SPAG16: variants seen among roughly 807,000 people sequenced by gnomAD.
SPAG16 encodes the protein sperm associated antigen 16, also known as sperm-associated antigen 16 protein.
Under a neutral mutation model 80.4 loss-of-function variants are expected in SPAG16, and 86 were observed. The ratio of observed to expected loss-of-function variants is 1.07; its 90% CI spans 0.90 to 1.28. The LOEUF (loss-of-function observed/expected upper bound fraction) is 1.28, where lower values mean the gene tolerates loss of function less well. Among genes scored for constraint, SPAG16 ranks in the 50% most tolerant of loss-of-function variants. The pLI is 0.00. For synonymous variants in SPAG16, 294 were observed against 265.9 expected (o/e 1.11, Z -1.03); for missense variants, 870 against 765.3 (o/e 1.14, Z -1.61).
chr2:214,134,330 A>T (rs1576312746), intron 14 of SPAG16, among the ~76,000 whole-genome samples: 2 of 152,240 alleles, frequency 1.3e-5, no homozygotes, highest in Non-Finnish European at 2.9e-5. Flanking sequence ...CCACAAATCC[A>T]TTAGGTCTTA....
At chr2:213,539,980 GAAAT>G (rs2076377489) in intron 10 of SPAG16, among the ~76,000 whole-genome samples, 1 of 150,348 alleles carries the variant, frequency 6.7e-6, no homozygotes, top group African/African-American at 2.4e-5. Context: ...TAAAGGAAGT[GAAAT>G]AAATCGAGTT....
intron 15 of SPAG16, among the ~76,000 whole-genome samples, chr2:214,207,114 T>C (rs2058166882): frequency 6.6e-6 from 1 of 152,142 alleles, no homozygotes; most frequent in Admixed American, 6.6e-5. Flanking sequence ...TTGGACCTAT[T>C]GTGTAGTGTG....
chr2:213,496,868 T>A (rs1033373039), intron 10 of SPAG16, among the ~76,000 whole-genome samples: 40 of 151,642 alleles, frequency 2.6e-4, no homozygotes, highest in African/African-American at 9.6e-4. Flanking sequence ...ATTTTTCCAA[T>A]GGATATTTAG....
At chr2:213,437,110 A>G (rs1170469540) in intron 9 of SPAG16, among the ~76,000 whole-genome samples, 1 of 152,018 alleles carries the variant, frequency 6.6e-6, no homozygotes, top group Non-Finnish European at 1.5e-5. Context: ...ACAGGGTTTC[A>G]CCGTGGTCTC....
At chr2:213,799,578 C>T (rs2071253547) in intron 10 of SPAG16, among the ~76,000 whole-genome samples, 1 of 151,982 alleles carries the variant, frequency 6.6e-6, no homozygotes, top group African/African-American at 2.4e-5. Flanking sequence ...TTTATTTTAA[C>T]AAATTTTTGC....
chr2:213,720,635 C>A (rs1444026209), intron 10 of SPAG16, among the ~76,000 whole-genome samples: 1 of 150,746 alleles, frequency 6.6e-6, no homozygotes, highest in African/African-American at 2.4e-5. Context: ...AAGACTCCAT[C>A]TAAAAACTTA....
intron 10 of SPAG16, among the ~76,000 whole-genome samples, chr2:213,836,842 G>A (rs1022159678): frequency 1.3e-5 from 2 of 152,106 alleles, no homozygotes; most frequent in African/African-American, 2.4e-5. Flanking sequence ...TCAAACTCCT[G>A]ACCTCAGGTG....
chr2:213,942,390 C>T (rs2079243103), intron 12 of SPAG16, among the ~76,000 whole-genome samples: 1 of 152,192 alleles, frequency 6.6e-6, no homozygotes, highest in African/African-American at 2.4e-5. Context: ...AACACTCTCC[C>T]CACTCACTTT....
At chr2:213,538,432 T>C (rs2076321002) in intron 10 of SPAG16, among the ~76,000 whole-genome samples, 1 of 152,090 alleles carries the variant, frequency 6.6e-6, no homozygotes, top group South Asian at 2.1e-4. Context: ...ATGAGTAGTA[T>C]ATTTTATGAT....
chr2:213,715,641 C>T (rs540439462), intron 10 of SPAG16, among the ~76,000 whole-genome samples: 1 of 152,296 alleles, frequency 6.6e-6, no homozygotes, highest in South Asian at 2.1e-4. Context: ...ATTGCTGACA[C>T]ACTATAGATC....
At chr2:213,755,942 C>CT (rs1424437364) in intron 10 of SPAG16, among the ~76,000 whole-genome samples, 10 of 152,132 alleles carry the variant, frequency 6.6e-5, no homozygotes, top group Admixed American at 6.5e-4. Context: ...ATTTAACCAT[C>CT]TAAATATATC....
chr2:213,410,239 G>T (rs551266453), intron 9 of SPAG16, among the ~76,000 whole-genome samples: 2 of 152,308 alleles, frequency 1.3e-5, no homozygotes, highest in East Asian at 1.9e-4. Flanking sequence ...TCCTCTATCT[G>T]TTGCTGACCA....
At chr2:213,820,532 A>T (rs949279895) in intron 10 of SPAG16, among the ~76,000 whole-genome samples, 2 of 152,186 alleles carry the variant, frequency 1.3e-5, no homozygotes, top group Non-Finnish European at 2.9e-5. Flanking sequence ...AGCACAAAAA[A>T]GGTAGAACCT....
chr2:214,322,230 C>T (rs1247163778), intron 15 of SPAG16, among the ~76,000 whole-genome samples: 1 of 152,136 alleles, frequency 6.6e-6, no homozygotes, highest in Non-Finnish European at 1.5e-5. Context: ...TCAAGACACT[C>T]AAATATACCA....
intron 10 of SPAG16, among the ~76,000 whole-genome samples, chr2:213,804,391 A>T (rs1429671950): frequency 6.6e-6 from 1 of 152,170 alleles, no homozygotes; most frequent in Non-Finnish European, 1.5e-5. Flanking sequence ...GCTACTAAAG[A>T]ACATTATAAG....
At chr2:213,370,499 A>C (rs1308057803) in intron 8 of SPAG16, among the ~76,000 whole-genome samples, 1 of 152,184 alleles carries the variant, frequency 6.6e-6, no homozygotes, top group Non-Finnish European at 1.5e-5. Flanking sequence ...AGATATAAAT[A>C]TTAAATGATG....
intron 10 of SPAG16, among the ~76,000 whole-genome samples, chr2:213,579,408 T>A (rs1346587732): frequency 6.6e-6 from 1 of 152,148 alleles, no homozygotes; most frequent in African/African-American, 2.4e-5. Flanking sequence ...TTTATAACAA[T>A]AGTTACTTCT....
At chr2:213,685,098 G>A (rs959389768) in intron 10 of SPAG16, among the ~76,000 whole-genome samples, 6 of 152,188 alleles carry the variant, frequency 3.9e-5, no homozygotes, top group Non-Finnish European at 7.3e-5. Context: ...CAGAAGGGCT[G>A]AATAAAAGAC....
At chr2:214,407,807 C>G (rs960005510) in intron 15 of SPAG16, among the ~76,000 whole-genome samples, 1 of 151,380 alleles carries the variant, frequency 6.6e-6, no homozygotes, top group East Asian at 1.9e-4. Flanking sequence ...CATTTTCTAA[C>G]TTAGAAAGAG....
Sources: allele counts gnomAD v4.1 joint callset (sites outside exome capture counted in the v4.1 genomes callset), GRCh38; gene constraint gnomAD v4.1.1; transcripts MANE v1.5; gene names NCBI Gene and HGNC (gene_info 2026-07-23, HGNC 2026-07-21).